Variants in SCAMP4 observed in about 807,000 individuals in gnomAD.
SCAMP4 encodes secretory carrier membrane protein 4, also known as secretory carrier-associated membrane protein 4.
A neutral mutation model predicts 32.1 loss-of-function variants in SCAMP4; 19 were observed. That is an observed-to-expected ratio of 0.59 (90% CI 0.41 to 0.87). SCAMP4 has a LOEUF of 0.87. Ranked by LOEUF, SCAMP4 falls within the 40% of genes least tolerant of loss-of-function variation. The pLI is 0.00. For missense variants in SCAMP4, 302 were observed against 309.0 expected, an observed-to-expected ratio of 0.98 and a Z score of 0.17; for synonymous variants, 152 against 132.7, an observed-to-expected ratio of 1.15 and a Z score of -1.00.
chr19:1,918,049 G>A (rs1233332811), intron 3 of SCAMP4, 78 bp from the exon 4 acceptor site: 3 of 1,524,818 alleles, frequency 2.0e-6, no homozygotes, highest in Non-Finnish European at 2.7e-6. Flanking sequence ...GACAGCGGGT[G>A]CCCCATTGCT....
At chr19:1,921,963 C>CATAAGCTT in intron 5 of SCAMP4, 2 of 985,512 alleles carry the variant, frequency 2.0e-6, no homozygotes, top group Non-Finnish European at 2.4e-6. Flanking sequence ...ACGCCCCGTG[C>CATAAGCTT]ATGTGTGTGC....
chr19:1,916,668 G>T (rs1381508460), intron 2 of SCAMP4, among the ~76,000 whole-genome samples: 4 of 151,958 alleles, frequency 2.6e-5, no homozygotes, highest in Non-Finnish European at 5.9e-5. Flanking sequence ...TAGGTTGCCA[G>T]GCTGATCTGG....
At position 1,924,040 on chromosome 19, in the gene SCAMP4, G is replaced by T. The variant is rs561003505; in HGVS notation, c.514-68G>T. ...CTCCCGAAGTGCTGGGATGACAGGC[G>T]TGAGTCCCCGTGCCCGGCCGCCATG... is the stretch of plus-strand genomic sequence containing the variant. On this transcript the variant is annotated intron_variant, in intron 6 of 6. Transcript: ENST00000316097. 23 of 1,382,826 alleles carry T rather than the reference G, an allele frequency of 1.7e-5. 1 individual carries two copies. The South Asian group carries it at 1.7e-4, about 10-fold the overall frequency. The allele number at this position is 1,382,826 out of a possible 1,614,324, so 85.7% of individuals were successfully genotyped here.
intron 6 of SCAMP4, among the ~76,000 whole-genome samples, chr19:1,923,713 G>A (rs1236140122): frequency 6.8e-6 from 1 of 146,478 alleles, no homozygotes; most frequent in Non-Finnish European, 1.5e-5. Context: ...CCGCCTCTGG[G>A]GTTCATGCCA....
At chr19:1,917,550 C>T (rs2013772767) in intron 2 of SCAMP4, 144 bp from the exon 3 acceptor site, 2 of 832,268 alleles carry the variant, frequency 2.4e-6, no homozygotes, top group African/African-American at 3.4e-5. Context: ...AGGACCCTCT[C>T]CTGTCTCAGC....
At chr19:1,912,707 G>A (rs2013537469) in intron 1 of SCAMP4, 3 of 1,503,740 alleles carry the variant, frequency 2.0e-6, no homozygotes, top group Non-Finnish European at 2.6e-6. Flanking sequence ...ACCCGGCCTC[G>A]GACCGCGTGC....
intron 5 of SCAMP4, chr19:1,919,271 G>A (rs1164694824): frequency 7.7e-7 from 1 of 1,297,010 alleles, no homozygotes; most frequent in East Asian, 3.5e-5. Context: ...AGCCAGGCTT[G>A]TCTCCTGAGT....
intron 1 of SCAMP4, chr19:1,905,929 T>C (rs2013089271): frequency 6.6e-6 from 1 of 152,246 alleles, no homozygotes; most frequent in Non-Finnish European, 1.5e-5. Context: ...CATCGTTACC[T>C]AGAGTATGAG....
intron 2 of SCAMP4, 87 bp from the exon 3 acceptor site, chr19:1,917,607 C>G: frequency 6.6e-7 from 1 of 1,514,570 alleles, no homozygotes; most frequent in South Asian, 1.2e-5. Flanking sequence ...CCATGAGAGG[C>G]AACCCAGCCT....
At chr19:1,919,495 T>C (rs1444122785) in intron 5 of SCAMP4, 7 of 205,228 alleles carry the variant, frequency 3.4e-5, no homozygotes, top group African/African-American at 2.7e-4. Context: ...TTTTCTTTTC[T>C]TTTTTTTTTT....
rs371998480 is a variant in SCAMP4 at position 1,912,858 on chromosome 19, G to A, written c.-41-2121G>A. ...CCCCGCCTGCTCCTTCGCCCCGGCC[G>A]CTGCCCCCCAGGCCGTCCGCGCAGG... On this transcript the variant is annotated intron_variant, in intron 1 of 6. Transcript: ENST00000316097. 39 of 1,597,844 alleles carry A rather than the reference G, an allele frequency of 2.4e-5. No homozygotes were observed. In the African/African-American group the frequency reaches 3.1e-4, roughly 13 times the overall value.
intron 5 of SCAMP4, 199 bp from the exon 6 acceptor site, chr19:1,922,871 G>A (rs1416125883): frequency 7.6e-7 from 1 of 1,315,360 alleles, no homozygotes; most frequent in African/African-American, 1.5e-5. Flanking sequence ...ATGGTGGAGG[G>A]ATAAGGTCGT....
intron 5 of SCAMP4, 157 bp downstream of exon 5, chr19:1,919,147 C>G (rs1487402929): frequency 1.4e-6 from 2 of 1,451,250 alleles, no homozygotes; most frequent in Non-Finnish European, 9.0e-7. Context: ...GCGCCCGCGT[C>G]CTCGCCAGCG....
In SCAMP4 at chr19:1,905,414, G is replaced by GAGT. The variant is rs1388409489; in HGVS notation, c.-67_-66insAGT. The GAGT allele has an allele frequency of 8.6e-6, 4 of 463,738 alleles. No individual in the cohort carries two copies. 28.7% of individuals were successfully genotyped at this position (463,738 alleles called of 1,614,324 possible). On this transcript the variant is annotated 5_prime_UTR_variant, in exon 1 of 7. Coordinates refer to ENST00000316097, the MANE Select transcript of SCAMP4 (RefSeq NM_079834.4). ...GCCGGTTGCTAAGACTTGGCGAAGCGCTGCGCTCGCGCCCGGATCCCTCAG... is the reference window on the plus strand; with the variant it reads ...GCCGGTTGCTAAGACTTGGCGAAGCGAGTCTGCGCTCGCGCCCGGATCCCTCAG...
Position 1,924,278 on chromosome 19 carries a change from G to T in SCAMP4, c.684G>T (p.Trp228Cys). The T allele has an allele frequency of 6.3e-7, 1 of 1,590,522 alleles. No individual in the cohort carries two copies. Among genetic ancestry groups the T allele is most frequent in the Non-Finnish European group, 8.5e-7 (1 of 1,169,830 alleles). ...TVPSYPGSGQ[W>C]P is the part of the protein sequence containing the mutation. Reference sequence around the variant, plus strand: ...CCAGCTACCCGGGCAGTGGCCAGTGGCCTTAGAGGGAGCCTGCCCTGCCCC... The same window carrying T: ...CCAGCTACCCGGGCAGTGGCCAGTGTCCTTAGAGGGAGCCTGCCCTGCCCC... Residue 228 changes from tryptophan (W) to cysteine (C), a missense_variant, in exon 7 of 7, where the codon TGG becomes TGT. Transcript: ENST00000316097.
chr19:1,919,131 C>A, intron 5 of SCAMP4, 141 bp downstream of exon 5: 1 of 1,472,470 alleles, frequency 6.8e-7, no homozygotes, highest in South Asian at 1.3e-5. Flanking sequence ...TGAGCTCACC[C>A]TGGCAGCGCC....
chr19:1,913,715 T>C (rs1184315152), intron 1 of SCAMP4, among the ~76,000 whole-genome samples: 4 of 152,304 alleles, frequency 2.6e-5, no homozygotes, highest in African/African-American at 9.6e-5. Flanking sequence ...GCCCTGGGAT[T>C]TCGTGTCCTT....
chr19:1,912,233 C>G (rs1374531289), intron 1 of SCAMP4: 2 of 1,595,864 alleles, frequency 1.3e-6, no homozygotes, highest in Non-Finnish European at 1.7e-6. Context: ...TGCTGGCCTA[C>G]GCCGCGCCCG....
At chr19:1,906,866 T>TTTGTGTGTGTG (rs1555836654) in intron 1 of SCAMP4, 4 of 130,084 alleles carry the variant, frequency 3.1e-5, no homozygotes, top group African/African-American at 9.1e-5. Context: ...AAAAAAAAAA[T>TTTGTGTGTGTG]TGTGTGTGTG....
Sources: gnomAD v4.1 joint callset for allele counts (sites outside exome capture counted in the v4.1 genomes callset) on GRCh38, gnomAD v4.1.1 for gene constraint, MANE v1.5 for transcripts, NCBI Gene and HGNC (gene_info 2026-07-23, HGNC 2026-07-21) for gene names.